ATP10B: variants seen among roughly 807,000 people sequenced by gnomAD.
The protein encoded by ATP10B is phospholipid-transporting ATPase VB.
In ATP10B, 122 loss-of-function variants were observed where a neutral mutation model predicts 141.2. The ratio of observed to expected loss-of-function variants is 0.86; its 90% CI spans 0.75 to 1.00. The LOEUF (loss-of-function observed/expected upper bound fraction) is 1.00. Ranked by LOEUF, ATP10B falls within the 50% of genes least tolerant of loss-of-function variation. ATP10B has a pLI of 0.00. For synonymous variants in ATP10B, 685 were observed against 692.0 expected (o/e 0.99, Z 0.16); for missense variants, 1,876 against 1,825.3 (o/e 1.03, Z -0.51).
intron 24 of ATP10B, among the ~76,000 whole-genome samples, chr5:160,573,236 T>C (rs144147250): frequency 1.5e-4 from 23 of 152,178 alleles, no homozygotes; most frequent in African/African-American, 5.3e-4. Flanking sequence ...GCCATGTGAG[T>C]GATAATATAG....
intron 6 of ATP10B, among the ~76,000 whole-genome samples, chr5:160,673,637 C>T (rs976816771): frequency 2.0e-5 from 3 of 152,002 alleles, no homozygotes; most frequent in South Asian, 4.2e-4. Context: ...GATTTGTTTC[C>T]CTGTGCCATT....
At chr5:160,574,801 C>CTTTG (rs1554091293) in intron 24 of ATP10B, among the ~76,000 whole-genome samples, 8 of 140,930 alleles carry the variant, frequency 5.7e-5, no homozygotes, top group African/African-American at 1.8e-4. Flanking sequence ...CAGCATTCAT[C>CTTTG]TTTTTTTTTT....
chr5:160,602,475 C>A (rs1419949601), intron 21 of ATP10B, 102 bp downstream of exon 21: 2 of 1,513,612 alleles, frequency 1.3e-6, no homozygotes, highest in Non-Finnish European at 1.8e-6. Context: ...AGCCTGACTC[C>A]TTCCTTTATG....
chr5:160,788,936 C>T (rs1197839892), intron 1 of ATP10B, among the ~76,000 whole-genome samples: 3 of 152,052 alleles, frequency 2.0e-5, no homozygotes, highest in Non-Finnish European at 2.9e-5. Context: ...TGCTAGGCAT[C>T]GGTATGTGAT....
In ATP10B at chr5:160,852,073, T is replaced by C. The variant is rs938019229; in HGVS notation, c.-708A>G. On this transcript the variant is annotated 5_prime_UTR_variant, in exon 1 of 26. It adds an upstream start codon to the 5' untranslated region. Transcript: ENST00000327245. Reference sequence around the variant, plus strand: ...ATGGAATTTTTCATTTTTCTGATTATATCTGATTATGTCAAGGCAAGGCCT... The same window carrying C: ...ATGGAATTTTTCATTTTTCTGATTACATCTGATTATGTCAAGGCAAGGCCT... 2 of 152,182 alleles carry C rather than the reference T, an allele frequency of 1.3e-5. No homozygotes were observed. The highest frequency in any genetic ancestry group is 4.8e-5 in the African/African-American group (2 of 41,456). 9.4% of individuals were successfully genotyped at this position (152,182 alleles called of 1,614,324 possible).
chr5:160,753,941 T>C (rs779292367), intron 2 of ATP10B, among the ~76,000 whole-genome samples: 12 of 152,170 alleles, frequency 7.9e-5, no homozygotes, highest in Non-Finnish European at 1.5e-4. Context: ...CTTCTTATTG[T>C]CCAAGGTTCT....
At chr5:160,880,413 C>A in the ATP10B span, among the ~76,000 whole-genome samples, 2 of 151,976 alleles carry the variant, frequency 1.3e-5, no homozygotes, top group African/African-American at 4.8e-5. Flanking sequence ...TTCAAAATTC[C>A]GAGAAGTTCT....
the ATP10B span, among the ~76,000 whole-genome samples, chr5:160,904,585 A>G: frequency 6.6e-6 from 1 of 152,326 alleles, no homozygotes; most frequent in African/African-American, 2.4e-5. Flanking sequence ...AACTTGCAAT[A>G]CATATTTTAG....
At chr5:160,702,265 G>T (rs536819623) in intron 3 of ATP10B, among the ~76,000 whole-genome samples, 1 of 152,142 alleles carries the variant, frequency 6.6e-6, no homozygotes, top group South Asian at 2.1e-4. Context: ...GAGGTAAATT[G>T]GGCTTGTATT....
At position 160,622,395 on chromosome 5, in the gene ATP10B, C is replaced by G. The variant is rs766204912; in HGVS notation, c.1811G>C (p.Arg604Thr). Residue 604 changes from arginine to threonine, a missense_variant and splice_region_variant, in exon 14 of 26, where the codon AGG (arginine) becomes ACG (threonine). Coordinates refer to ENST00000327245, the MANE Select transcript of ATP10B (RefSeq NM_025153.3). The part of the protein sequence containing the change: ...MVSTTTEPRQ[R>T]VTIKPSSKAL... ...CCCCCAGCCATCGCTGGTCCTTACC[C>G]TCTGCCTGGGCTCGGTGGTTGTGGA... 5.0e-6 allele frequency: 8 copies of G among 1,611,650 alleles called. No individual in the cohort carries two copies. Among genetic ancestry groups the G allele is most frequent in the Non-Finnish European group, 5.9e-6 (7 of 1,179,016 alleles).
chr5:160,853,518 C>T (rs573342388), upstream of ATP10B, among the ~76,000 whole-genome samples: 2 of 152,262 alleles, frequency 1.3e-5, no homozygotes, highest in South Asian at 4.1e-4. Flanking sequence ...AGTATATTTT[C>T]CATCACTGGT....
At chr5:160,816,747 T>A (rs1313813635) in intron 1 of ATP10B, among the ~76,000 whole-genome samples, 2 of 151,948 alleles carry the variant, frequency 1.3e-5, no homozygotes, top group Non-Finnish European at 2.9e-5. Context: ...GATGCAAAAA[T>A]CCTCAATAAA....
chr5:160,914,849 C>T, the ATP10B span, among the ~76,000 whole-genome samples: 3 of 152,156 alleles, frequency 2.0e-5, no homozygotes, highest in Non-Finnish European at 4.4e-5. Flanking sequence ...GAAAAAATTC[C>T]TCTCCGAGTT....
At chr5:160,857,947 G>T in the ATP10B span, among the ~76,000 whole-genome samples, 4 of 151,734 alleles carry the variant, frequency 2.6e-5, no homozygotes, top group African/African-American at 9.7e-5. Context: ...GTATTTGTTT[G>T]ATGGCACTTA....
chr5:160,639,730 TGGTTTCAGG>T (rs1169070850), intron 10 of ATP10B, among the ~76,000 whole-genome samples: 1 of 152,110 alleles, frequency 6.6e-6, no homozygotes, highest in Admixed American at 6.5e-5. Context: ...GAGGGGGAGA[TGGTTTCAGG>T]GGTTTCAGGA....
At chr5:160,830,335 CT>C (rs1409590798) in intron 1 of ATP10B, among the ~76,000 whole-genome samples, 1 of 151,954 alleles carries the variant, frequency 6.6e-6, no homozygotes, top group Non-Finnish European at 1.5e-5. Context: ...CACTTCTTAA[CT>C]TTTTTAATTG....
At chr5:160,760,613 G>A (rs940403625) in intron 2 of ATP10B, among the ~76,000 whole-genome samples, 2 of 152,182 alleles carry the variant, frequency 1.3e-5, no homozygotes, top group South Asian at 2.1e-4. Flanking sequence ...CCTCACCATG[G>A]TTTTGTTAAA....
Position 160,620,394 on chromosome 5 carries a change from T to C in ATP10B, c.2369A>G (p.Lys790Arg). Residue 790 changes from lysine to arginine, a missense_variant, in exon 15 of 26, where the codon AAG (lysine) becomes AGG (arginine). Transcript: ENST00000327245. ...GTCCATGATGACCGAGTCAGCACCC[T>C]TGGTGTAGACAACAATCTCGCCAGT... ...PLTGEIVVYT[K>R]GADSVIMDLL... is the part of the protein sequence containing the mutation. The C allele has an allele frequency of 1.2e-6, 2 of 1,614,056 alleles. No individual in the cohort carries two copies. Among genetic ancestry groups the C allele is most frequent in the Non-Finnish European group, 1.7e-6 (2 of 1,179,926 alleles).
At chr5:160,806,065 G>A (rs6886975) in intron 1 of ATP10B, among the ~76,000 whole-genome samples, 5,408 of 152,226 alleles carry the variant, frequency 0.036, 97 homozygotes, top group Middle Eastern at 0.065. Context: ...CTCCACTTTT[G>A]TGTTCTCTTT....
Sources: gnomAD v4.1 joint callset for allele counts (sites outside exome capture counted in the v4.1 genomes callset) on GRCh38, gnomAD v4.1.1 for gene constraint, MANE v1.5 for transcripts, NCBI Gene and HGNC (gene_info 2026-07-23, HGNC 2026-07-21) for gene names.